Variants in NXPH1 observed in about 807,000 individuals in gnomAD.
NXPH1 encodes the protein neurexophilin 1, also known as neurexophilin-1.
A neutral mutation model predicts 23.7 loss-of-function variants in NXPH1; 5 were observed. That is an observed-to-expected ratio of 0.21 (90% CI 0.11 to 0.44). NXPH1 has a LOEUF of 0.44. Ranked by LOEUF, NXPH1 falls within the 20% of genes least tolerant of loss-of-function variation. The pLI is 0.99. For missense variants in NXPH1, 324 were observed against 321.6 expected, an observed-to-expected ratio of 1.01 and a Z score of -0.06; for synonymous variants, 144 against 122.2, an observed-to-expected ratio of 1.18 and a Z score of -1.18.
intron 2 of NXPH1, among the ~76,000 whole-genome samples, chr7:8,631,994 G>C (rs1300320598): frequency 6.6e-6 from 1 of 152,074 alleles, no homozygotes; most frequent in African/African-American, 2.4e-5. Flanking sequence ...TCATGTGTAG[G>C]TTATAGGGTA....
intron 2 of NXPH1, among the ~76,000 whole-genome samples, chr7:8,489,152 G>C (rs1165860312): frequency 6.6e-6 from 1 of 151,992 alleles, no homozygotes; most frequent in Non-Finnish European, 1.5e-5. Context: ...GTGACGGGAG[G>C]GTAAAATAAC....
At chr7:8,642,708 C>A (rs1294063509) in intron 2 of NXPH1, among the ~76,000 whole-genome samples, 1 of 151,824 alleles carries the variant, frequency 6.6e-6, no homozygotes, top group African/African-American at 2.4e-5. Context: ...TTTCATATTC[C>A]TTATTTTTCT....
chr7:8,436,995 T>G (rs1014228258), intron 2 of NXPH1, among the ~76,000 whole-genome samples: 1 of 152,230 alleles, frequency 6.6e-6, no homozygotes, highest in African/African-American at 2.4e-5. Context: ...GAATGTGTAT[T>G]TAACCGATTT....
intron 2 of NXPH1, among the ~76,000 whole-genome samples, chr7:8,478,730 C>T (rs986787852): frequency 1.3e-5 from 2 of 151,988 alleles, no homozygotes; most frequent in African/African-American, 4.8e-5. Context: ...GAAACAAAGG[C>T]CATTTGAGCA....
intron 2 of NXPH1, among the ~76,000 whole-genome samples, chr7:8,613,932 A>G (rs1408539131): frequency 6.6e-6 from 1 of 151,906 alleles, no homozygotes; most frequent in Non-Finnish European, 1.5e-5. Context: ...AAATTATATC[A>G]TAAATCATAA....
chr7:8,746,069 T>A (rs1780465470), intron 2 of NXPH1, among the ~76,000 whole-genome samples: 1 of 152,188 alleles, frequency 6.6e-6, no homozygotes, highest in Non-Finnish European at 1.5e-5. Context: ...CAGTAGACTG[T>A]GAACTTCTCG....
intron 2 of NXPH1, among the ~76,000 whole-genome samples, chr7:8,574,118 A>C (rs1180314301): frequency 6.6e-6 from 1 of 152,106 alleles, no homozygotes; most frequent in Non-Finnish European, 1.5e-5. Flanking sequence ...TAAAAAGGCT[A>C]TTCAGGTACA....
intron 2 of NXPH1, among the ~76,000 whole-genome samples, chr7:8,742,359 A>G (rs1161565954): frequency 6.6e-6 from 1 of 152,176 alleles, no homozygotes; most frequent in African/African-American, 2.4e-5. Flanking sequence ...AATAGTAACT[A>G]TGTAACCTGG....
At chr7:8,512,075 C>T (rs1817621611) in intron 2 of NXPH1, among the ~76,000 whole-genome samples, 1 of 152,086 alleles carries the variant, frequency 6.6e-6, no homozygotes, top group Admixed American at 6.5e-5. Context: ...AACTAGCCCC[C>T]TGAGTGTCCA....
intron 2 of NXPH1, among the ~76,000 whole-genome samples, chr7:8,739,950 T>C (rs548247172): frequency 3.9e-5 from 6 of 152,308 alleles, no homozygotes; most frequent in African/African-American, 1.4e-4. Flanking sequence ...GGGACCACCA[T>C]TGTATATGCA....
intron 2 of NXPH1, among the ~76,000 whole-genome samples, chr7:8,653,194 T>G (rs1460485171): frequency 1.3e-5 from 2 of 152,196 alleles, no homozygotes. Flanking sequence ...AATATTTGTA[T>G]TTATTGATTA....
At chr7:8,671,956 T>C (rs1049005332) in intron 2 of NXPH1, among the ~76,000 whole-genome samples, 4 of 152,184 alleles carry the variant, frequency 2.6e-5, no homozygotes, top group African/African-American at 9.7e-5. Flanking sequence ...GTTTGTTTTT[T>C]TCTTGTAAAT....
intron 2 of NXPH1, among the ~76,000 whole-genome samples, chr7:8,455,365 G>T (rs919956169): frequency 6.6e-6 from 1 of 152,242 alleles, no homozygotes; most frequent in East Asian, 1.9e-4. Flanking sequence ...GAAAATTGAT[G>T]TGCAGTGTAT....
At chr7:8,472,409 C>T (rs1196213620) in intron 2 of NXPH1, among the ~76,000 whole-genome samples, 1 of 152,128 alleles carries the variant, frequency 6.6e-6, no homozygotes, top group Non-Finnish European at 1.5e-5. Flanking sequence ...AGGGAGATAA[C>T]AACATTGCCA....
intron 2 of NXPH1, among the ~76,000 whole-genome samples, chr7:8,571,923 T>G (rs891344414): frequency 6.6e-6 from 1 of 151,708 alleles, no homozygotes; most frequent in Admixed American, 6.6e-5. Flanking sequence ...ATGTGAATAA[T>G]TTAGATATCT....
chr7:8,719,819 T>A (rs971460872), intron 2 of NXPH1, among the ~76,000 whole-genome samples: 1 of 152,170 alleles, frequency 6.6e-6, no homozygotes, highest in Non-Finnish European at 1.5e-5. Context: ...ATAATTGTAT[T>A]GATTATTAAT....
chr7:8,441,574 T>G (rs998150261), intron 2 of NXPH1, among the ~76,000 whole-genome samples: 2 of 152,184 alleles, frequency 1.3e-5, no homozygotes, highest in African/African-American at 4.8e-5. Flanking sequence ...TTAATGAAAG[T>G]GCTCCCCAGA....
At position 8,752,147 on chromosome 7, in the gene NXPH1, A is replaced by C. The variant is rs1442268480; in HGVS notation, c.*378A>C. On this transcript the variant is annotated 3_prime_UTR_variant, in exon 3 of 3. Transcript: ENST00000405863. ...CATCAAACGGAAGGATTAACTAGAC[A>C]GAGAATGTTTCTAACAGTTGCTGTT... The C allele has an allele frequency of 5.3e-6, 1 of 186,994 alleles. No individual in the cohort carries two copies. Among genetic ancestry groups the C allele is most frequent in the Non-Finnish European group, 1.1e-5 (1 of 87,410 alleles). The allele number at this position is 186,994 out of a possible 1,614,324, so 11.6% of individuals were successfully genotyped here.
intron 2 of NXPH1, among the ~76,000 whole-genome samples, chr7:8,459,457 A>T (rs1459854456): frequency 6.6e-6 from 1 of 152,226 alleles, no homozygotes; most frequent in Non-Finnish European, 1.5e-5. Flanking sequence ...TTACAGTTTC[A>T]TCAGTAGAGA....
Sources: allele counts gnomAD v4.1 joint callset (sites outside exome capture counted in the v4.1 genomes callset), GRCh38; gene constraint gnomAD v4.1.1; transcripts MANE v1.5; gene names NCBI Gene and HGNC (gene_info 2026-07-23, HGNC 2026-07-21).